The following ABCA6 variants were observed in gnomAD, a reference collection of about 807,000 sequenced individuals.
ABCA6 encodes ATP binding cassette subfamily A member 6.
In ABCA6, 164 loss-of-function variants were observed where a neutral mutation model predicts 191.2. The ratio of observed to expected loss-of-function variants is 0.86; its 90% CI spans 0.76 to 0.98. The LOEUF is 0.98. Ranked by LOEUF, ABCA6 falls within the 50% of genes least tolerant of loss-of-function variation. The pLI, the probability that ABCA6 is intolerant of heterozygous loss-of-function variation, is 0.00. For synonymous variants in ABCA6, 636 were observed against 647.7 expected (o/e 0.98, Z 0.27); for missense variants, 1,958 against 1,894.1 (o/e 1.03, Z -0.63).
In ABCA6 at chr17:69,110,797, T is replaced by C; in HGVS notation, c.2272+4A>G. 6.2e-7 allele frequency: 1 copy of C among 1,600,146 alleles called. No individual in the cohort carries two copies. The highest frequency in any genetic ancestry group is 1.1e-5 in the South Asian group (1 of 88,044). On this transcript the variant is annotated splice_donor_region_variant and intron_variant, in intron 17 of 38. Transcript: ENST00000284425. Reference sequence around the variant, plus strand: ...TCATTTCATTGTAATCATAGTTGAGTTACCTGGAAATGTATTTGTCCTTTC... The same window carrying C: ...TCATTTCATTGTAATCATAGTTGAGCTACCTGGAAATGTATTTGTCCTTTC...
chr17:69,083,211 C>T lies in ABCA6; in HGVS notation c.4475+1G>A, dbSNP rs149614799. On this transcript the variant is annotated splice_donor_variant, in intron 35 of 38. Transcript: ENST00000284425. LOFTEE classifies it high-confidence loss of function. Reference sequence around the variant, plus strand: ...AATGCAGGCTTCGGAGAGACACCCACCTAAGCCTTCCAGACACCATGATGG... The same window carrying T: ...AATGCAGGCTTCGGAGAGACACCCATCTAAGCCTTCCAGACACCATGATGG... 210 of 1,592,546 alleles carry T rather than the reference C, an allele frequency of 1.3e-4. No homozygotes were observed. In the East Asian group the frequency reaches 4.4e-3, roughly 33 times the overall value.
At chr17:69,097,360 C>T (rs190759197) in intron 23 of ABCA6, among the ~76,000 whole-genome samples, 72 of 148,694 alleles carry the variant, frequency 4.8e-4, no homozygotes, top group African/African-American at 1.7e-3. Flanking sequence ...CATTGCACTC[C>T]AGCCTGGGCA....
At chr17:69,130,282 G>A (rs945761875) in intron 6 of ABCA6, among the ~76,000 whole-genome samples, 6 of 150,912 alleles carry the variant, frequency 4.0e-5, no homozygotes, top group South Asian at 2.1e-4. Context: ...ATGCCACTGC[G>A]CTCCAGTCTG....
chr17:69,091,220 C>A lies in ABCA6; in HGVS notation c.3451G>T (p.Asp1151Tyr). The A allele has an allele frequency of 6.2e-7, 1 of 1,611,582 alleles. No homozygotes were observed. The highest frequency in any genetic ancestry group is 1.1e-5 in the South Asian group (1 of 90,868). The change falls in exon 26 of 39, where the codon GAC becomes TAC. Residue 1151 changes from aspartate (D) to tyrosine (Y), a missense_variant. Physicochemically the swap from Asp to Tyr is radical, Grantham distance 160. Transcript: ENST00000284425. ...MFSITLINHF[D>Y]LSILITTMVL... ...ATGGTGGTAATCAATATACTTAGGT[C>A]AAAATGATTGATTAAAGTGATGGAA...
At chr17:69,141,259 A>C (rs902869757) in intron 1 of ABCA6, among the ~76,000 whole-genome samples, 3 of 152,068 alleles carry the variant, frequency 2.0e-5, no homozygotes, top group African/African-American at 7.2e-5. Flanking sequence ...GAAAAGAGAT[A>C]GGTTGTAAAT....
chr17:69,121,459 TCCTTG>T (rs932171257), intron 10 of ABCA6, among the ~76,000 whole-genome samples: 34 of 152,050 alleles, frequency 2.2e-4, no homozygotes, highest in African/African-American at 8.2e-4. Context: ...TAGTGAATAG[TCCTTG>T]CATCAAATGA....
chr17:69,128,817 G>A lies in ABCA6; in HGVS notation c.934-13C>T, dbSNP rs1224153402. On this transcript the variant is annotated splice_polypyrimidine_tract_variant and intron_variant, in intron 7 of 38. Coordinates refer to ENST00000284425, the MANE Select transcript of ABCA6 (RefSeq NM_080284.3). ...ACACCAAAGCTACCTGCAAGAGAGA[G>A]AAGACATTCAGCTGTTATAAAAAAT... 2 of 1,567,212 alleles carry A rather than the reference G, an allele frequency of 1.3e-6. No homozygotes were observed. The highest frequency in any genetic ancestry group is 1.7e-6 in the Non-Finnish European group (2 of 1,158,138).
chr17:69,138,129 A>G (rs1197736109), intron 2 of ABCA6, among the ~76,000 whole-genome samples: 1 of 152,112 alleles, frequency 6.6e-6, no homozygotes, highest in Non-Finnish European at 1.5e-5. Context: ...TCCTGGTCCC[A>G]CTATTTCCTG....
Position 69,140,734 on chromosome 17 carries a change from A to T in ABCA6, c.-31T>A. On this transcript the variant is annotated 5_prime_UTR_variant, in exon 2 of 39. An upstream start codon of the reference 5' UTR is lost. Transcript: ENST00000284425. ...CTATTCGCTGAAGGAGAAAGTAATC[A>T]TGGTGGAACACAACCTAGAAAAAAA... 7.0e-7 allele frequency: 1 copy of T among 1,438,314 alleles called. No individual in the cohort carries two copies. The highest frequency in any genetic ancestry group is 2.5e-5 in the East Asian group (1 of 39,768). 89.1% of individuals were successfully genotyped at this position (1,438,314 alleles called of 1,614,324 possible).
At chr17:69,103,067 G>A (rs55690451) in intron 20 of ABCA6, 99 bp from the exon 21 acceptor site, 40,869 of 684,334 alleles carry the variant, frequency 0.06, 1,426 homozygotes, top group Non-Finnish European at 0.068. Context: ...AATATTTATG[G>A]AATACTATGT....
At chr17:69,099,104 A>G (rs1450057834) in intron 22 of ABCA6, among the ~76,000 whole-genome samples, 1 of 151,402 alleles carries the variant, frequency 6.6e-6, no homozygotes, top group East Asian at 2.0e-4. Context: ...CAAGAAGAAA[A>G]CTTGTTGCTG....
Position 69,113,248 on chromosome 17 carries a change from G to C in ABCA6, c.2015C>G (p.Ser672Cys). The C allele has an allele frequency of 6.2e-7, 1 of 1,605,452 alleles. No individual in the cohort carries two copies. Among genetic ancestry groups the C allele is most frequent in the Non-Finnish European group, 8.5e-7 (1 of 1,177,198 alleles). ...ADHVILFSTQSMDEADILADR... is the reference protein window; with the variant it reads ...ADHVILFSTQCMDEADILADR... ...AGCCAGGATGTCAGCCTCATCCATG[G>C]ACTGGGTACTGAAAAGGATCACATG... Residue 672 changes from serine to cysteine, a missense_variant, in exon 15 of 39, where the codon TCC becomes TGC. Physicochemically the swap from Ser to Cys is moderately radical, Grantham distance 112 (BLOSUM62 -1). Transcript: ENST00000284425.
chr17:69,111,093 A>C (rs769284658), intron 16 of ABCA6, 153 bp from the exon 17 acceptor site: 1 of 640,436 alleles, frequency 1.6e-6, no homozygotes, highest in Non-Finnish European at 2.5e-6. Flanking sequence ...GTAATCTATC[A>C]GTTTGAAAAT....
At position 69,123,273 on chromosome 17, in the gene ABCA6, C is replaced by T; in HGVS notation, c.1402G>A (p.Val468Ile). 3 of 1,519,724 alleles carry T rather than the reference C, an allele frequency of 2.0e-6. No homozygotes were observed. The highest frequency in any genetic ancestry group is 4.7e-5 in the East Asian group (2 of 42,448). The allele number at this position is 1,519,724 out of a possible 1,614,324, so 94.1% of individuals were successfully genotyped here. ...TCTTTTCCTTGGAATTCAGGAGCTA[C>T]TGGTTCAAAATAATCATCAGAGGGA... Reference protein sequence around the residue: ...EHPSDDYFEPVAPEFQGKEAI... With the variant: ...EHPSDDYFEPIAPEFQGKEAI... The change falls in exon 10 of 39, where the codon GTA (valine) becomes ATA (isoleucine). Residue 468 changes from valine (V) to isoleucine (I), a missense_variant. Val to Ile is a conservative substitution (Grantham distance 29). Transcript: ENST00000284425.
At position 69,087,383 on chromosome 17, in the gene ABCA6, G is replaced by A; in HGVS notation, c.3789C>T (p.Ala1263=). Residue 1263 remains alanine, a synonymous_variant, in exon 29 of 39, where the codon GCC becomes GCT. Coordinates refer to ENST00000284425, the MANE Select transcript of ABCA6 (RefSeq NM_080284.3). The part of the protein sequence containing the change: ...EDIQTERIRT[A]TALTTSILDE... Reference sequence around the variant, plus strand: ...CTAAGATTGAAGTGGTCAGAGCAGTGGCTGTTCTTATTCTTTCTGTTTGAA... The same window carrying A: ...CTAAGATTGAAGTGGTCAGAGCAGTAGCTGTTCTTATTCTTTCTGTTTGAA... 6.2e-7 allele frequency: 1 copy of A among 1,613,850 alleles called. No homozygotes were observed. The highest frequency in any genetic ancestry group is 8.5e-7 in the Non-Finnish European group (1 of 1,179,870).
At chr17:69,105,343 T>G (rs1327509102) in intron 20 of ABCA6, 119 bp downstream of exon 20, 3 of 970,286 alleles carry the variant, frequency 3.1e-6, no homozygotes, top group African/African-American at 1.7e-5. Flanking sequence ...GTGTTTTCTA[T>G]AAATGAAGTT....
At chr17:69,127,630 G>A (rs1436620234) in intron 8 of ABCA6, among the ~76,000 whole-genome samples, 1 of 152,112 alleles carries the variant, frequency 6.6e-6, no homozygotes, top group South Asian at 2.1e-4. Context: ...CTAAATCCTG[G>A]TGAAGTGTTA....
chr17:69,129,247 T>C (rs1200320015), intron 7 of ABCA6, among the ~76,000 whole-genome samples: 1 of 152,018 alleles, frequency 6.6e-6, no homozygotes, highest in Non-Finnish European at 1.5e-5. Context: ...GGAGAAGAGA[T>C]ATTGTGATCA....
intron 37 of ABCA6, among the ~76,000 whole-genome samples, 192 bp from the exon 38 acceptor site, chr17:69,079,457 T>A (rs1432266940): frequency 6.6e-6 from 1 of 152,234 alleles, no homozygotes; most frequent in Non-Finnish European, 1.5e-5. Flanking sequence ...TTAATATTGA[T>A]GTTATTTTCT....
Sources: allele counts gnomAD v4.1 joint callset (sites outside exome capture counted in the v4.1 genomes callset), GRCh38; gene constraint gnomAD v4.1.1; transcripts MANE v1.5; gene names NCBI Gene and HGNC (gene_info 2026-07-23, HGNC 2026-07-21).